MYO9A: variants seen among roughly 807,000 people sequenced by gnomAD.
MYO9A encodes unconventional myosin-IXa.
In MYO9A, 103 loss-of-function variants were observed where a neutral mutation model predicts 293.3. The ratio of observed to expected loss-of-function variants is 0.35; its 90% CI spans 0.30 to 0.41. The LOEUF (loss-of-function observed/expected upper bound fraction) is 0.41. Ranked by LOEUF, MYO9A falls within the 10% of genes least tolerant of loss-of-function variation. The pLI, the probability that MYO9A is intolerant of heterozygous loss-of-function variation, is 1.00. For synonymous variants in MYO9A, 1,001 were observed against 1,035.7 expected, an observed-to-expected ratio of 0.97 and a Z score of 0.64; for missense variants, 2,685 against 3,033.0, an observed-to-expected ratio of 0.89 and a Z score of 2.69.
chr15:72,111,095 C>T (rs1241775449), intron 1 of MYO9A, among the ~76,000 whole-genome samples: 2 of 147,260 alleles, frequency 1.4e-5, no homozygotes, highest in Non-Finnish European at 3.0e-5. Context: ...GGAGGCAGAG[C>T]TTGCAGTGAG....
intron 11 of MYO9A, among the ~76,000 whole-genome samples, chr15:71,989,929 T>G (rs2929527): frequency 0.64 from 97,109 of 151,590 alleles, 32,357 homozygotes; most frequent in Middle Eastern, 0.74. Flanking sequence ...CTTGAGTGGC[T>G]GAGGTGGGGG....
At chr15:71,872,224 C>G (rs1433494307) in intron 32 of MYO9A, among the ~76,000 whole-genome samples, 1 of 151,610 alleles carries the variant, frequency 6.6e-6, no homozygotes, top group Non-Finnish European at 1.5e-5. Context: ...AATCAACTAA[C>G]TTAAAAAAAA....
chr15:72,018,476 TA>T (rs910290845), intron 6 of MYO9A, among the ~76,000 whole-genome samples: 3 of 151,726 alleles, frequency 2.0e-5, no homozygotes, highest in East Asian at 1.9e-4. Flanking sequence ...AATAAATATT[TA>T]AAAAAAACCT....
chr15:71,961,494 C>A (rs943418374), intron 13 of MYO9A, among the ~76,000 whole-genome samples: 1 of 152,132 alleles, frequency 6.6e-6, no homozygotes, highest in African/African-American at 2.4e-5. Flanking sequence ...AAGTATTTTA[C>A]ATGTATTGTC....
rs138131016 is a variant in MYO9A, at chr15:71,922,098, C to T, written c.2563-5606G>A. Among the ~76,000 whole-genome samples, 400 of 152,324 alleles carry T rather than the reference C, an allele frequency of 2.6e-3. 4 individuals are homozygous for T. The highest frequency in any genetic ancestry group is 9.5e-3 in the African/African-American group (394 of 41,574). The stretch of plus-strand genomic sequence containing the variant: ...GTTCAAGCAATTCTCCTGCCTCAGC[C>T]TCCTGAGTAGTTGAGACTACAGGCA... On this transcript the variant is annotated intron_variant, in intron 18 of 41. Transcript: ENST00000356056.
At chr15:72,104,331 T>C (rs1015789110) in intron 1 of MYO9A, among the ~76,000 whole-genome samples, 3 of 152,222 alleles carry the variant, frequency 2.0e-5, no homozygotes, top group South Asian at 2.1e-4. Context: ...TTTCGACTTA[T>C]GGTATTTTCA....
intron 1 of MYO9A, among the ~76,000 whole-genome samples, chr15:72,072,289 G>A (rs1483567942): frequency 6.6e-6 from 1 of 151,710 alleles, no homozygotes; most frequent in African/African-American, 2.4e-5. Context: ...CCGCCACCAC[G>A]CCTGGCTAAT....
chr15:71,906,758 C>CTTTTTTTTTTTTTTCTTTTTTTT (rs2057659301), intron 19 of MYO9A, among the ~76,000 whole-genome samples: 2 of 61,012 alleles, frequency 3.3e-5, no homozygotes, highest in African/African-American at 1.3e-4. Context: ...CCATTTCTTT[C>CTTTTTTTTTTTTTTCTTTTTTTT]TTTTTTTTTT....
chr15:71,872,409 T>C (rs1270068580), intron 32 of MYO9A, among the ~76,000 whole-genome samples: 2 of 152,280 alleles, frequency 1.3e-5, no homozygotes, highest in East Asian at 3.9e-4. Context: ...ACTCTAATAT[T>C]AAAGTTGTTT....
Position 71,826,341 on chromosome 15 carries a change from G to A in MYO9A, c.*239C>T. ...AAATCCCCAGGCCCTAGGTGGCTTT[G>A]TATAGTAAAAATCTCAATTCAAATA... is the stretch of plus-strand genomic sequence containing the variant. On this transcript the variant is annotated 3_prime_UTR_variant, in exon 42 of 42. Coordinates refer to ENST00000356056, the MANE Select transcript of MYO9A (RefSeq NM_006901.4). The A allele has an allele frequency of 2.1e-6, 1 of 484,688 alleles. No homozygotes were observed. The highest frequency in any genetic ancestry group is 3.6e-6 in the Non-Finnish European group (1 of 279,264). 30.0% of individuals were successfully genotyped at this position (484,688 alleles called of 1,614,324 possible).
intron 39 of MYO9A, among the ~76,000 whole-genome samples, chr15:71,832,617 T>A (rs1205956142): frequency 6.6e-6 from 1 of 152,124 alleles, no homozygotes; most frequent in African/African-American, 2.4e-5. Flanking sequence ...TTTTCAGGAA[T>A]GAAGGTGAAA....
intron 1 of MYO9A, among the ~76,000 whole-genome samples, chr15:72,075,217 C>T (rs1364532901): frequency 2.0e-5 from 3 of 151,890 alleles, no homozygotes; most frequent in South Asian, 4.1e-4. Context: ...CCACCCGCCT[C>T]GGCTTCCCAA....
chr15:71,884,368 CA>C (rs1401306262), intron 27 of MYO9A, among the ~76,000 whole-genome samples: 1 of 152,082 alleles, frequency 6.6e-6, no homozygotes, highest in Non-Finnish European at 1.5e-5. Context: ...TATTAACAGC[CA>C]CTTATTTGAA....
At position 71,991,255 on chromosome 15, in the gene MYO9A, G is replaced by C; in HGVS notation, c.1588-18C>G. ...GACAATGTCTGTAAAACAAGAGAAAGTTTTGATTAAAAGTAATGTTTAAAT... is the reference window on the plus strand; with the variant it reads ...GACAATGTCTGTAAAACAAGAGAAACTTTTGATTAAAAGTAATGTTTAAAT... On this transcript the variant is annotated intron_variant, in intron 10 of 41. Transcript: ENST00000356056. 1 of 1,552,628 alleles carries C rather than the reference G, an allele frequency of 6.4e-7. No homozygotes were observed. Among genetic ancestry groups the C allele is most frequent in the Non-Finnish European group, 8.7e-7 (1 of 1,148,200 alleles).
chr15:71,897,490 G>A lies in MYO9A; in HGVS notation c.5013C>T (p.Phe1671=). ...SREGNARPIF[F]TPKDNMSIPL... The stretch of plus-strand genomic sequence containing the variant: ...GAATACTCATATTGTCCTTTGGAGT[G>A]AAGAAAATGGGCCTAGCATTTCCCT... Residue 1671 remains phenylalanine, a synonymous_variant, in exon 25 of 42, where the codon TTC becomes TTT. Transcript: ENST00000356056. The A allele has an allele frequency of 2.5e-6, 4 of 1,613,344 alleles. No individual in the cohort carries two copies. The highest frequency in any genetic ancestry group is 2.2e-5 in the South Asian group (2 of 91,014).
intron 26 of MYO9A, chr15:71,893,331 G>T: frequency 2.0e-6 from 1 of 511,584 alleles, no homozygotes; most frequent in Non-Finnish European, 3.1e-6. Context: ...AAGTGACAGG[G>T]ATGACCAAAA....
intron 9 of MYO9A, among the ~76,000 whole-genome samples, chr15:71,997,636 A>C (rs1363089318): frequency 7.2e-5 from 11 of 152,086 alleles, no homozygotes; most frequent in Admixed American, 7.2e-4. Flanking sequence ...AAATAAACAA[A>C]AAAAAAGTAG....
Position 72,010,418 on chromosome 15 carries a change from C to T in MYO9A, c.1185G>A (p.Leu395=). The stretch of plus-strand genomic sequence containing the variant: ...GTTGTAGGCGCTCAAAGTCATGTCT[C>T]AAATCTTCTCCTTCCACCGTGAAGC... The part of the protein sequence containing the change: ...PDCFTVEGED[L]RHDFERLQLA... Residue 395 remains leucine (L), a synonymous_variant, in exon 7 of 42, where the codon TTG becomes TTA. Transcript: ENST00000356056. 1.2e-6 allele frequency: 2 copies of T among 1,613,346 alleles called. No individual in the cohort carries two copies. Among genetic ancestry groups the T allele is most frequent in the Non-Finnish European group, 1.7e-6 (2 of 1,179,572 alleles).
intron 1 of MYO9A, among the ~76,000 whole-genome samples, chr15:72,102,926 T>C (rs1487860974): frequency 2.0e-5 from 3 of 151,720 alleles, no homozygotes; most frequent in Non-Finnish European, 4.4e-5. Context: ...ATTATATATA[T>C]AGGAAATCCA....
Sources: allele counts gnomAD v4.1 joint callset (sites outside exome capture counted in the v4.1 genomes callset), GRCh38; gene constraint gnomAD v4.1.1; transcripts MANE v1.5; gene names NCBI Gene and HGNC (gene_info 2026-07-23, HGNC 2026-07-21).